MYO18B: variants seen among roughly 807,000 people sequenced by gnomAD.
The protein encoded by MYO18B is unconventional myosin-XVIIIb.
A neutral mutation model predicts 273.0 loss-of-function variants in MYO18B; 204 were observed. The observed-to-expected ratio is 0.75, with a 90% CI of 0.67 to 0.84. The LOEUF (loss-of-function observed/expected upper bound fraction) is 0.84, where lower values mean the gene tolerates loss of function less well. Ranked by LOEUF, MYO18B falls within the 40% of genes least tolerant of loss-of-function variation. The pLI is 0.00. For synonymous variants in MYO18B, 1,330 were observed against 1,305.7 expected (o/e 1.02, Z -0.40); for missense variants, 3,212 against 3,287.6 (o/e 0.98, Z 0.56).
intron 7 of MYO18B, among the ~76,000 whole-genome samples, chr22:25,774,090 G>T (rs2086825889): frequency 6.6e-6 from 1 of 152,202 alleles, no homozygotes; most frequent in Non-Finnish European, 1.5e-5. Context: ...AACACATCTT[G>T]CCCTTTGGGG....
At chr22:26,061,012 C>T in the MYO18B span, among the ~76,000 whole-genome samples, 3 of 101,916 alleles carry the variant, frequency 2.9e-5, no homozygotes, top group South Asian at 8.6e-4. Context: ...CACATACACA[C>T]ACACACACAC....
chr22:25,877,670 G>T (rs911164303), intron 24 of MYO18B, among the ~76,000 whole-genome samples: 2 of 152,176 alleles, frequency 1.3e-5, no homozygotes, highest in Non-Finnish European at 2.9e-5. Flanking sequence ...GTTTCTCCAT[G>T]TTGGTCAGGC....
chr22:25,752,576 C>T (rs1045576174), intron 1 of MYO18B, among the ~76,000 whole-genome samples: 1 of 152,244 alleles, frequency 6.6e-6, no homozygotes, highest in Non-Finnish European at 1.5e-5. Context: ...GCCTTGAACT[C>T]CTGGGCTCAA....
At chr22:25,805,936 C>T (rs1412403986) in intron 12 of MYO18B, among the ~76,000 whole-genome samples, 1 of 152,190 alleles carries the variant, frequency 6.6e-6, no homozygotes, top group African/African-American at 2.4e-5. Flanking sequence ...TCTGTATGCT[C>T]CAGGCATTCC....
At chr22:26,024,675 G>A (rs1267245168) in intron 42 of MYO18B, among the ~76,000 whole-genome samples, 1 of 152,150 alleles carries the variant, frequency 6.6e-6, no homozygotes, top group Admixed American at 6.5e-5. Flanking sequence ...CCCTTTAGCC[G>A]GGCCCATCAT....
rs1392299972 is a variant in MYO18B, at chr22:25,780,142, A to G, written c.2155A>G (p.Met719Val). ...AHSRSATRFSMVMSLDFNATG... is the reference protein window; with the variant it reads ...AHSRSATRFSVVMSLDFNATG... ...CAGCCGCAGTGCCACCCGGTTCTCCATGGTGATGTCGCTGGACTTCAACGC... is the reference window on the plus strand; with the variant it reads ...CAGCCGCAGTGCCACCCGGTTCTCCGTGGTGATGTCGCTGGACTTCAACGC... The change falls in exon 9 of 44, where the codon ATG becomes GTG. Residue 719 changes from methionine to valine, a missense_variant. Coordinates refer to ENST00000335473, the MANE Select transcript of MYO18B (RefSeq NM_032608.7). 1.2e-6 allele frequency: 2 copies of G among 1,606,782 alleles called. No homozygotes were observed. The highest frequency in any genetic ancestry group is 2.2e-5 in the East Asian group (1 of 44,628).
Position 25,768,691 on chromosome 22 carries a change from C to T in MYO18B, c.775C>T (p.Gln259Ter). ...KTTELKEAEP[Q>*]GKDRQGTRPQ... ...CACAGAGCTGAAAGAGGCTGAGCCC[C>T]AGGGCAAAGACAGGCAGGGGACCAG... Residue 259 changes from glutamine (Q) to a stop codon, truncating the protein, a stop_gained, in exon 4 of 44, where the codon CAG becomes TAG. Transcript: ENST00000335473. LOFTEE classifies it high-confidence loss of function. The T allele has an allele frequency of 1.3e-6, 2 of 1,565,142 alleles. No homozygotes were observed. Among genetic ancestry groups the T allele is most frequent in the Non-Finnish European group, 1.7e-6 (2 of 1,158,218 alleles).
chr22:25,886,200 G>C (rs1210982000), intron 25 of MYO18B, among the ~76,000 whole-genome samples: 1 of 152,220 alleles, frequency 6.6e-6, no homozygotes, highest in Non-Finnish European at 1.5e-5. Context: ...CACTATCTGT[G>C]GTGGCGATGG....
At chr22:25,951,358 A>T (rs1435767019) in intron 37 of MYO18B, among the ~76,000 whole-genome samples, 1 of 152,162 alleles carries the variant, frequency 6.6e-6, no homozygotes, top group Non-Finnish European at 1.5e-5. Context: ...ATACTCACTC[A>T]ATTCCAGTTG....
In MYO18B at chr22:25,785,509, C is replaced by A; in HGVS notation, c.2376+18C>A. 6.2e-7 allele frequency: 1 copy of A among 1,609,514 alleles called. No homozygotes were observed. Among genetic ancestry groups the A allele is most frequent in the South Asian group, 1.1e-5 (1 of 89,870 alleles). On this transcript the variant is annotated intron_variant, in intron 11 of 43. Coordinates refer to ENST00000335473, the MANE Select transcript of MYO18B (RefSeq NM_032608.7). ...GGTCCAAGGTAAGGAGGAGGTCCCT[C>A]ACGGGTGGGATGTGAGTCTGTGTCT...
chr22:25,759,325 A>G lies in MYO18B; in HGVS notation c.-109-1659A>G, dbSNP rs545210695. Among the ~76,000 whole-genome samples the G allele has an allele frequency of 2.0e-5, 3 of 150,920 alleles. No individual in the cohort carries two copies. In the East Asian group the frequency reaches 5.8e-4, roughly 29 times the overall value. ...AGACTAGATAAAGAAAATGTGGCAC[A>G]TGTAATACTATGCAGCCGTAAGAGA... On this transcript the variant is annotated intron_variant, in intron 1 of 43. Coordinates refer to ENST00000335473, the MANE Select transcript of MYO18B (RefSeq NM_032608.7).
At chr22:25,906,537 T>C (rs2092048189) in intron 31 of MYO18B, among the ~76,000 whole-genome samples, 1 of 152,186 alleles carries the variant, frequency 6.6e-6, no homozygotes, top group Non-Finnish European at 1.5e-5. Context: ...ACAGCACTTG[T>C]TAAGTTCCAA....
At chr22:25,939,998 A>G (rs543340018) in intron 34 of MYO18B, among the ~76,000 whole-genome samples, 1 of 152,198 alleles carries the variant, frequency 6.6e-6, no homozygotes, top group Non-Finnish European at 1.5e-5. Context: ...TGTCTGGCAC[A>G]GAGTAACAGC....
chr22:25,924,138 C>T (rs912280261), intron 34 of MYO18B, among the ~76,000 whole-genome samples: 1 of 152,190 alleles, frequency 6.6e-6, no homozygotes, highest in Non-Finnish European at 1.5e-5. Flanking sequence ...TGGCTCCCAG[C>T]GCACGTGTCC....
intron 40 of MYO18B, among the ~76,000 whole-genome samples, chr22:26,002,440 C>T (rs1037432181): frequency 6.6e-6 from 1 of 152,014 alleles, no homozygotes; most frequent in Admixed American, 6.6e-5. Flanking sequence ...AATAGAAGCC[C>T]CCAGGGTGAC....
At chr22:26,021,977 C>T (rs970919403) in intron 42 of MYO18B, among the ~76,000 whole-genome samples, 3 of 152,126 alleles carry the variant, frequency 2.0e-5, no homozygotes, top group African/African-American at 7.2e-5. Context: ...GGATGCTTAT[C>T]CTCTGGCTCT....
intron 29 of MYO18B, 41 bp from the exon 30 acceptor site, chr22:25,902,572 A>C (rs1569171234): frequency 6.3e-7 from 1 of 1,585,186 alleles, no homozygotes; most frequent in Admixed American, 1.8e-5. Context: ...TCCCCTGCCC[A>C]CCTGCCTACG....
rs926238858 is a variant in MYO18B, at chr22:25,761,097, C to T, written c.5C>T (p.Ala2Val). The T allele has an allele frequency of 6.2e-7, 1 of 1,613,424 alleles. No homozygotes were observed. The highest frequency in any genetic ancestry group is 8.5e-7 in the Non-Finnish European group (1 of 1,179,898). Residue 2 changes from alanine to valine, a missense_variant, in exon 2 of 44, where the codon GCC (alanine) becomes GTC (valine). Ala to Val is a moderately conservative substitution (Grantham distance 64). Coordinates refer to ENST00000335473, the MANE Select transcript of MYO18B (RefSeq NM_032608.7). M[A>V]ISSRLALWEQ... ...CGGCCCTGGCACTGCCTCAGCATGG[C>T]CATCTCATCACGCCTCGCCCTGTGG...
intron 11 of MYO18B, among the ~76,000 whole-genome samples, chr22:25,789,636 G>A (rs75965613): frequency 1.2e-4 from 18 of 148,596 alleles, no homozygotes; most frequent in Non-Finnish European, 1.6e-4. Flanking sequence ...ACTGTCTCAA[G>A]AAAAAAAAAA....
Sources: allele counts gnomAD v4.1 joint callset (sites outside exome capture counted in the v4.1 genomes callset), GRCh38; gene constraint gnomAD v4.1.1; transcripts MANE v1.5; gene names NCBI Gene and HGNC (gene_info 2026-07-23, HGNC 2026-07-21).